The following RIT2 variants were observed in gnomAD, a reference collection of about 807,000 sequenced individuals.
RIT2 encodes GTP-binding protein Rit2.
RIT2 carries 24 observed loss-of-function variants against 23.7 expected under a neutral mutation model. The ratio of observed to expected loss-of-function variants is 1.01; its 90% CI spans 0.73 to 1.43. The LOEUF is 1.43. Ranked by LOEUF, RIT2 falls within the 40% of genes most tolerant of loss-of-function variation. The pLI is 0.00. For missense variants in RIT2, 236 were observed against 266.9 expected (o/e 0.88, Z 0.81); for synonymous variants, 107 against 91.1 (o/e 1.17, Z -0.99).
At chr18:42,857,693 C>T (rs920154089) in intron 4 of RIT2, among the ~76,000 whole-genome samples, 2 of 152,104 alleles carry the variant, frequency 1.3e-5, no homozygotes, top group Non-Finnish European at 2.9e-5. Context: ...TGGCTATGCC[C>T]TGGATGTTTT....
intron 1 of RIT2, among the ~76,000 whole-genome samples, chr18:43,040,693 G>T (rs1474581376): frequency 6.6e-6 from 1 of 152,154 alleles, no homozygotes; most frequent in African/African-American, 2.4e-5. Flanking sequence ...AGATGGGGGT[G>T]CATGTTAGGA....
chr18:42,951,112 C>A (rs985928994), intron 3 of RIT2, among the ~76,000 whole-genome samples: 34 of 152,210 alleles, frequency 2.2e-4, no homozygotes, highest in African/African-American at 6.7e-4. Context: ...AAGACACATG[C>A]ACTTGCATGT....
chr18:43,101,808 A>AT (rs1384148346), intron 1 of RIT2, among the ~76,000 whole-genome samples: 1 of 152,204 alleles, frequency 6.6e-6, no homozygotes, highest in African/African-American at 2.4e-5. Flanking sequence ...CAGAAAAAAT[A>AT]TTAAAGGCTT....
At chr18:42,766,289 C>T (rs1445199307) in intron 4 of RIT2, among the ~76,000 whole-genome samples, 12 of 152,206 alleles carry the variant, frequency 7.9e-5, no homozygotes, top group East Asian at 3.9e-4. Context: ...GATAGTGATA[C>T]GGACAATAGA....
chr18:43,051,301 A>C (rs749189993), intron 1 of RIT2, among the ~76,000 whole-genome samples: 1 of 152,150 alleles, frequency 6.6e-6, no homozygotes, highest in Non-Finnish European at 1.5e-5. Flanking sequence ...AAGGGGAGAG[A>C]TTTTTCCATT....
intron 4 of RIT2, among the ~76,000 whole-genome samples, chr18:42,889,616 G>A (rs1036553206): frequency 1.3e-5 from 2 of 151,432 alleles, no homozygotes; most frequent in East Asian, 3.9e-4. Context: ...ATTTTTTTTT[G>A]TAATGGATTA....
intron 2 of RIT2, among the ~76,000 whole-genome samples, chr18:43,012,813 G>T (rs775389009): frequency 1.3e-5 from 2 of 151,642 alleles, no homozygotes; most frequent in African/African-American, 2.4e-5. Flanking sequence ...GCCACATTTT[G>T]TAATTGAAGA....
intron 1 of RIT2, among the ~76,000 whole-genome samples, chr18:43,107,980 G>A (rs1913865663): frequency 6.8e-6 from 1 of 147,306 alleles, no homozygotes; most frequent in Non-Finnish European, 1.5e-5. Context: ...TGGCTAACAC[G>A]GTGATACCCC....
At chr18:42,871,027 G>A (rs1294509584) in intron 4 of RIT2, among the ~76,000 whole-genome samples, 1 of 152,104 alleles carries the variant, frequency 6.6e-6, no homozygotes, top group Non-Finnish European at 1.5e-5. Flanking sequence ...TTATTGACTT[G>A]TGGTCTATGT....
chr18:42,899,507 C>A (rs1376723554), intron 4 of RIT2, among the ~76,000 whole-genome samples: 1 of 151,810 alleles, frequency 6.6e-6, no homozygotes, highest in Non-Finnish European at 1.5e-5. Flanking sequence ...CAGCTTTTCT[C>A]TAGTAGCTGC....
chr18:42,789,755 A>T (rs553970794), intron 4 of RIT2, among the ~76,000 whole-genome samples: 1 of 152,270 alleles, frequency 6.6e-6, no homozygotes, highest in Non-Finnish European at 1.5e-5. Context: ...TAGATATAAG[A>T]TCACATCATC....
chr18:43,039,033 T>C (rs1448163042), intron 1 of RIT2, among the ~76,000 whole-genome samples: 1 of 152,216 alleles, frequency 6.6e-6, no homozygotes, highest in Non-Finnish European at 1.5e-5. Flanking sequence ...TTTCCTTCAC[T>C]GCCACATCTT....
intron 1 of RIT2, among the ~76,000 whole-genome samples, chr18:43,048,111 C>A (rs376240699): frequency 2.0e-5 from 3 of 152,116 alleles, no homozygotes; most frequent in African/African-American, 7.2e-5. Flanking sequence ...GGGACCTGAA[C>A]AATTCCATGG....
intron 1 of RIT2, among the ~76,000 whole-genome samples, chr18:43,089,803 C>A (rs538835316): frequency 6.6e-6 from 1 of 151,894 alleles, no homozygotes; most frequent in Non-Finnish European, 1.5e-5. Context: ...ATTCCCTACT[C>A]AATAAATAAA....
At chr18:42,807,501 C>T (rs117054406) in intron 4 of RIT2, among the ~76,000 whole-genome samples, 2,038 of 152,160 alleles carry the variant, frequency 0.013, 36 homozygotes, top group African/African-American at 0.046. Context: ...CCTGTAATCC[C>T]AACTACTGAG....
chr18:43,030,929 A>C (rs1911839379), intron 2 of RIT2, among the ~76,000 whole-genome samples: 1 of 152,080 alleles, frequency 6.6e-6, no homozygotes, highest in South Asian at 2.1e-4. Context: ...AAAGTTAAGC[A>C]GGCTGTCAGT....
chr18:43,014,962 T>A (rs1911438881), intron 2 of RIT2, among the ~76,000 whole-genome samples: 1 of 151,782 alleles, frequency 6.6e-6, no homozygotes, highest in Admixed American at 6.6e-5. Flanking sequence ...ACACAGAATG[T>A]ATTTATAATT....
chr18:42,939,655 T>C (rs1195932207), intron 3 of RIT2, among the ~76,000 whole-genome samples: 1 of 151,366 alleles, frequency 6.6e-6, no homozygotes, highest in Non-Finnish European at 1.5e-5. Flanking sequence ...CAAGTCAAAA[T>C]ATGCCTATAA....
At chr18:42,809,655 AACC>A (rs1905780984) in intron 4 of RIT2, among the ~76,000 whole-genome samples, 1 of 151,630 alleles carries the variant, frequency 6.6e-6, no homozygotes, top group African/African-American at 2.4e-5. Context: ...AAGAAATAAC[AACC>A]AATGTTAAAT....
Sources: gnomAD v4.1 joint callset for allele counts (sites outside exome capture counted in the v4.1 genomes callset) on GRCh38, gnomAD v4.1.1 for gene constraint, MANE v1.5 for transcripts, NCBI Gene and HGNC (gene_info 2026-07-23, HGNC 2026-07-21) for gene names.